The following MAP3K13 variants were observed in gnomAD, a reference collection of about 807,000 sequenced individuals.
The protein encoded by MAP3K13 is mitogen-activated protein kinase kinase kinase 13.
In MAP3K13, 52 loss-of-function variants were observed where a neutral mutation model predicts 104.0. That is an observed-to-expected ratio of 0.50 (90% CI 0.40 to 0.63). The LOEUF (loss-of-function observed/expected upper bound fraction) is 0.63, where lower values mean the gene tolerates loss of function less well. Ranked by LOEUF, MAP3K13 falls within the 20% of genes least tolerant of loss-of-function variation. MAP3K13 has a pLI of 0.00. For synonymous variants in MAP3K13, 394 were observed against 442.2 expected, an observed-to-expected ratio of 0.89 and a Z score of 1.37; for missense variants, 914 against 1,218.5, an observed-to-expected ratio of 0.75 and a Z score of 3.72.
chr3:185,373,402 G>A (rs1724252624), intron 1 of MAP3K13, among the ~76,000 whole-genome samples: 1 of 152,158 alleles, frequency 6.6e-6, no homozygotes, highest in African/African-American at 2.4e-5. Context: ...AGCACTTCAG[G>A]AGGCTGAGGC....
upstream of MAP3K13, among the ~76,000 whole-genome samples, chr3:185,359,013 T>A (rs1238018243): frequency 2.0e-5 from 3 of 152,160 alleles, no homozygotes; most frequent in East Asian, 1.9e-4. Context: ...ATAGATATTT[T>A]TAGAATTTCC....
chr3:185,293,030 CGT>C (rs1317567970), intron 2 of MAP3K13: 2 of 984,646 alleles, frequency 2.0e-6, no homozygotes, highest in Non-Finnish European at 2.4e-6. Flanking sequence ...TGTGTGTGAA[CGT>C]GTGTGTACTT....
intron 1 of MAP3K13, chr3:185,417,669 C>T (rs1370733881): frequency 3.1e-6 from 5 of 1,612,480 alleles, no homozygotes; most frequent in Non-Finnish European, 4.2e-6. Flanking sequence ...TGCCTGCAAC[C>T]GCCGCCTTTT....
rs894652409 is a variant in MAP3K13, at chr3:185,418,184, G to A, written c.-85-10313G>A. The A allele has an allele frequency of 1.7e-5, 28 of 1,610,896 alleles. No individual in the cohort carries two copies. The African/African-American group carries it at 2.5e-4, about 15-fold the overall frequency. ...AGGCCCCTGCGCTGGATACGGCGAC[G>A]GTTTCTCATTTTGCCTTTGCCAGCT... On this transcript the variant is annotated intron_variant, in intron 1 of 13. Transcript: ENST00000265026. The surrounding 1 kb of genome is among the most constrained non-coding windows in gnomAD (Gnocchi z 4.5).
intron 1 of MAP3K13, among the ~76,000 whole-genome samples, chr3:185,390,819 T>TC (rs111900679): frequency 0.96 from 146,276 of 151,918 alleles, 70,466 homozygotes; most frequent in East Asian, 1. Flanking sequence ...AGATGGGGTT[T>TC]ACCATGTTGG....
intron 1 of MAP3K13, among the ~76,000 whole-genome samples, chr3:185,382,995 A>G (rs571656007): frequency 1.5e-4 from 23 of 149,102 alleles, no homozygotes; most frequent in Non-Finnish European, 2.7e-4. Flanking sequence ...ATATCTCCCA[A>G]TGCTATCCCT....
At chr3:185,358,616 A>G (rs1723477053), upstream of MAP3K13, among the ~76,000 whole-genome samples, 1 of 113,620 alleles carries the variant, frequency 8.8e-6, no homozygotes, top group Non-Finnish European at 1.9e-5. Flanking sequence ...TCAGATAGGC[A>G]TTTAATGGGA....
chr3:185,483,183 T>C lies in MAP3K13; in HGVS notation c.*727T>C, dbSNP rs1718560102. ...ACAAACAAACAAACAAACAAACCTG[T>C]GTATGTGGAAGCTGGTTTCATTTTT... is the stretch of plus-strand genomic sequence containing the variant. On this transcript the variant is annotated 3_prime_UTR_variant, in exon 14 of 14. Transcript: ENST00000265026. 1 of 232,826 alleles carries C rather than the reference T, an allele frequency of 4.3e-6. No homozygotes were observed. The highest frequency in any genetic ancestry group is 8.5e-6 in the Non-Finnish European group (1 of 117,922). 14.4% of individuals were successfully genotyped at this position (232,826 alleles called of 1,614,324 possible). A position where few individuals can be genotyped will look rare whatever the true frequency, so the allele number is the denominator to read the frequency against.
chr3:185,315,677 C>T lies in MAP3K13; in HGVS notation c.-86+30034C>T, dbSNP rs939389731. ...ACACTTAACAAATTTTGTTAGTGTA[C>T]CCTATTGCAAATGGGATATTAACCA... On this transcript the variant is annotated intron_variant, in intron 2 of 14. Coordinates refer to the MAP3K13 transcript ENST00000424227. The surrounding 1 kb of genome is among the most constrained non-coding windows in gnomAD (Gnocchi z 4.3). Among the ~76,000 whole-genome samples, 3 of 152,118 alleles carry T rather than the reference C, an allele frequency of 2.0e-5. No individual in the cohort carries two copies. Among genetic ancestry groups the T allele is most frequent in the Non-Finnish European group, 2.9e-5 (2 of 68,026 alleles).
intron 2 of MAP3K13, among the ~76,000 whole-genome samples, chr3:185,287,509 T>G (rs1396725870): frequency 6.6e-6 from 1 of 152,226 alleles, no homozygotes; most frequent in East Asian, 1.9e-4. Flanking sequence ...GACTTTTACT[T>G]CGATAATCAT....
intron 2 of MAP3K13, among the ~76,000 whole-genome samples, chr3:185,352,826 C>A (rs12632612): frequency 0.083 from 12,714 of 152,266 alleles, 701 homozygotes; most frequent in East Asian, 0.21. Context: ...TGAATGCTAC[C>A]TGTACAGCTT....
intron 2 of MAP3K13, among the ~76,000 whole-genome samples, chr3:185,337,617 A>T (rs1722558623): frequency 6.6e-6 from 1 of 152,238 alleles, no homozygotes. Flanking sequence ...CACAGAAGGC[A>T]TATAGGGGGT....
In MAP3K13 at chr3:185,482,520, A is replaced by G. The variant is rs1718524696; in HGVS notation, c.*64A>G. ...GGCATTTCAGATCCACCCCACCCCC[A>G]GACTCATCCCACTCTCTCCCAGCAT... On this transcript the variant is annotated 3_prime_UTR_variant, in exon 14 of 14. Coordinates refer to ENST00000265026, the MANE Select transcript of MAP3K13 (RefSeq NM_004721.5). The surrounding 1 kb of genome is among the most constrained non-coding windows in gnomAD (Gnocchi z 4.5). 45 of 1,205,246 alleles carry G rather than the reference A, an allele frequency of 3.7e-5. No individual in the cohort carries two copies. In the South Asian group the frequency reaches 5.5e-4, roughly 15 times the overall value. 74.7% of individuals were successfully genotyped at this position (1,205,246 alleles called of 1,614,324 possible). A position where few individuals can be genotyped will look rare whatever the true frequency, so the allele number is the denominator to read the frequency against.
chr3:185,320,301 A>G (rs1051697709), intron 2 of MAP3K13, among the ~76,000 whole-genome samples: 2 of 152,024 alleles, frequency 1.3e-5, no homozygotes, highest in African/African-American at 4.8e-5. Context: ...GGCTGGTCTC[A>G]AACTCCTGAC....
intron 9 of MAP3K13, among the ~76,000 whole-genome samples, chr3:185,466,125 A>C (rs1193627603): frequency 6.6e-6 from 1 of 152,220 alleles, no homozygotes; most frequent in African/African-American, 2.4e-5. Flanking sequence ...TTTCAAGAAG[A>C]GCACGGGGTG....
chr3:185,305,499 A>T (rs1385961324), intron 2 of MAP3K13, among the ~76,000 whole-genome samples: 1 of 152,060 alleles, frequency 6.6e-6, no homozygotes, highest in Non-Finnish European at 1.5e-5. Context: ...TTATCTTTTA[A>T]ATTCTACATG....
At chr3:185,443,342 AAAT>A in intron 3 of MAP3K13, 100 bp from the exon 4 acceptor site, 1 of 761,658 alleles carries the variant, frequency 1.3e-6, no homozygotes, top group South Asian at 2.6e-5. Context: ...CACATTTTTA[AAAT>A]AATTCGGGTA....
intron 1 of MAP3K13, among the ~76,000 whole-genome samples, chr3:185,424,818 C>A (rs962210540): frequency 2.0e-4 from 31 of 152,066 alleles, no homozygotes; most frequent in African/African-American, 7.0e-4. Context: ...GCACAATTCT[C>A]AGTATATATT....
chr3:185,285,666 T>C (rs1247530942), intron 2 of MAP3K13: 3 of 1,530,634 alleles, frequency 2.0e-6, no homozygotes, highest in Non-Finnish European at 1.8e-6. Flanking sequence ...CTGTGTTTTA[T>C]GTTTGGTGAG....
Sources: gnomAD v4.1 joint callset for allele counts (sites outside exome capture counted in the v4.1 genomes callset) on GRCh38, gnomAD v4.1.1 for gene constraint, Gnocchi (gnomAD v3.1) non-coding constraint, MANE v1.5 for transcripts, NCBI Gene and HGNC (gene_info 2026-07-23, HGNC 2026-07-21) for gene names.